The following LZTS1 variants were observed in gnomAD, a reference collection of about 807,000 sequenced individuals.
LZTS1 encodes leucine zipper tumor suppressor 1, also known as leucine zipper putative tumor suppressor 1.
Under a neutral mutation model 45.8 loss-of-function variants are expected in LZTS1, and 31 were observed. The observed-to-expected ratio is 0.68, with a 90% CI of 0.51 to 0.91. The LOEUF is 0.91. Among genes scored for constraint, LZTS1 ranks in the 40% least tolerant of loss-of-function variants. The probability of loss-of-function intolerance (pLI) is 0.00; values close to 1 mark genes in which losing one functional copy is unlikely to be tolerated. For synonymous variants in LZTS1, 359 were observed against 357.3 expected (o/e 1.00, Z -0.05); for missense variants, 821 against 788.9 (o/e 1.04, Z -0.49).
chr8:20,284,293 G>A (rs1321297727), intron 1 of LZTS1, among the ~76,000 whole-genome samples: 1 of 152,174 alleles, frequency 6.6e-6, no homozygotes, highest in African/African-American at 2.4e-5. Context: ...CCATGCCAGG[G>A]CCATTTAAAA....
In LZTS1 at chr8:20,303,928, T is replaced by G; in HGVS notation, c.-323A>C. 3.1e-6 allele frequency: 3 copies of G among 983,022 alleles called. No homozygotes were observed. The highest frequency in any genetic ancestry group is 3.6e-6 in the Non-Finnish European group (3 of 828,836). The allele number at this position is 983,022 out of a possible 1,614,324, so 60.9% of individuals were successfully genotyped here. A position where few individuals can be genotyped will look rare whatever the true frequency, so the allele number is the denominator to read the frequency against. ...ACTTTCGGCCTCCCCGCCCGGCCGC[T>G]GCCAACCCGCCAGCTCCAGGCGCGC... On this transcript the variant is annotated 5_prime_UTR_variant, in exon 1 of 4. Transcript: ENST00000381569.
chr8:20,283,173 G>A (rs1230228669), intron 1 of LZTS1, among the ~76,000 whole-genome samples: 1 of 152,178 alleles, frequency 6.6e-6, no homozygotes, highest in African/African-American at 2.4e-5. Context: ...ACTGTCTCAT[G>A]AGAAAGGGAT....
intron 1 of LZTS1, among the ~76,000 whole-genome samples, chr8:20,279,378 A>C (rs2128897021): frequency 6.6e-6 from 1 of 152,294 alleles, no homozygotes; most frequent in South Asian, 2.1e-4. Context: ...AAGAAGTTGG[A>C]AGATGTGTTA....
At chr8:20,297,476 G>A (rs1800995857) in intron 1 of LZTS1, among the ~76,000 whole-genome samples, 2 of 152,160 alleles carry the variant, frequency 1.3e-5, no homozygotes, top group Non-Finnish European at 2.9e-5. Context: ...GTGCAGTGGT[G>A]CGATCTCAGC....
At chr8:20,259,145 G>T (rs890005373) in intron 1 of LZTS1, among the ~76,000 whole-genome samples, 2 of 152,122 alleles carry the variant, frequency 1.3e-5, no homozygotes, top group Non-Finnish European at 2.9e-5. Flanking sequence ...TGTACCTGCA[G>T]GGCTGTACAG....
intron 1 of LZTS1, among the ~76,000 whole-genome samples, chr8:20,280,666 G>C (rs545134382): frequency 2.0e-5 from 3 of 152,172 alleles, no homozygotes; most frequent in Non-Finnish European, 4.4e-5. Context: ...GAGAATTGGT[G>C]GGCACAGCAG....
At position 20,255,038 on chromosome 8, in the gene LZTS1, C is replaced by T; in HGVS notation, c.144G>A (p.Gln48=). Residue 48 remains glutamine (Q), a synonymous_variant, in exon 2 of 4, where the codon CAG becomes CAA. Transcript: ENST00000381569. ...SDGLLRFGFS[Q]DSGHGKSSSK... ...AGCTGGACTTGCCGTGACCGGAGTC[C>T]TGGGAGAAGCCAAACCTCAGCAGCC... The T allele has an allele frequency of 6.2e-7, 1 of 1,614,198 alleles. No individual in the cohort carries two copies. Among genetic ancestry groups the T allele is most frequent in the Admixed American group, 1.7e-5 (1 of 60,028 alleles).
At chr8:20,274,961 C>CTGTGTG (rs34482608) in intron 1 of LZTS1, among the ~76,000 whole-genome samples, 9 of 125,628 alleles carry the variant, frequency 7.2e-5, no homozygotes, top group South Asian at 2.7e-4. Flanking sequence ...TGCCATGATA[C>CTGTGTG]TGTGTGTGTG....
At chr8:20,296,556 TC>T (rs140875349) in intron 1 of LZTS1, among the ~76,000 whole-genome samples, 2,431 of 152,272 alleles carry the variant, frequency 0.016, 84 homozygotes, top group East Asian at 0.11. Context: ...GGTGTGGATC[TC>T]CCGGGTCCTG....
At chr8:20,283,006 TG>T (rs1800723372) in intron 1 of LZTS1, among the ~76,000 whole-genome samples, 1 of 152,188 alleles carries the variant, frequency 6.6e-6, no homozygotes, top group Non-Finnish European at 1.5e-5. Flanking sequence ...TCATGCACCA[TG>T]GAGCATCCCT....
intron 1 of LZTS1, among the ~76,000 whole-genome samples, chr8:20,258,748 T>C (rs1042176403): frequency 1.3e-5 from 2 of 152,226 alleles, no homozygotes; most frequent in Non-Finnish European, 2.9e-5. Flanking sequence ...TAGGCAGTGT[T>C]ATCGGTATCT....
At position 20,303,815 on chromosome 8, in the gene LZTS1, T is replaced by C; in HGVS notation, c.-210A>G. The C allele has an allele frequency of 1.0e-6, 1 of 983,584 alleles. No homozygotes were observed. Among genetic ancestry groups the C allele is most frequent in the Non-Finnish European group, 1.2e-6 (1 of 829,482 alleles). 60.9% of individuals were successfully genotyped at this position (983,584 alleles called of 1,614,324 possible). On this transcript the variant is annotated 5_prime_UTR_variant, in exon 1 of 4. Transcript: ENST00000381569. ...TTCCCGGTGTGTTCCCGTCTCTCTTTTTCCAGAGCTGCTGAGCGGGCCGGG... is the reference window on the plus strand; with the variant it reads ...TTCCCGGTGTGTTCCCGTCTCTCTTCTTCCAGAGCTGCTGAGCGGGCCGGG...
Position 20,250,078 on chromosome 8 carries a change from G to T in LZTS1, c.1435C>A (p.Arg479=), listed in dbSNP as rs1461997371. 2 of 1,606,456 alleles carry T rather than the reference G, an allele frequency of 1.2e-6. No individual in the cohort carries two copies. The highest frequency in any genetic ancestry group is 1.7e-5 in the Admixed American group (1 of 59,934). Reference sequence around the variant, plus strand: ...TCGCGGGCCAGGGCGGCCTGGGCCCGCAGCTCCTGCAGCTCCTGCTCCAGC... The same window carrying T: ...TCGCGGGCCAGGGCGGCCTGGGCCCTCAGCTCCTGCAGCTCCTGCTCCAGC... ...NLLEQELQEL[R]AQAALARDMG... is the part of the protein sequence containing the mutation. The change falls in exon 4 of 4, where the codon CGG becomes AGG. Residue 479 remains arginine, a synonymous_variant. Transcript: ENST00000381569.
At chr8:20,285,113 C>T (rs1176083243) in intron 1 of LZTS1, among the ~76,000 whole-genome samples, 1 of 152,224 alleles carries the variant, frequency 6.6e-6, no homozygotes, top group East Asian at 1.9e-4. Context: ...TTTACAAACT[C>T]TAAAGTGCAG....
chr8:20,283,462 G>A (rs917855842), intron 1 of LZTS1, among the ~76,000 whole-genome samples: 2 of 152,152 alleles, frequency 1.3e-5, no homozygotes, highest in Non-Finnish European at 2.9e-5. Context: ...CCAGAACTGT[G>A]AGAAATACAT....
chr8:20,297,830 T>C (rs1801003256), intron 1 of LZTS1, among the ~76,000 whole-genome samples: 1 of 152,170 alleles, frequency 6.6e-6, no homozygotes, highest in South Asian at 2.1e-4. Flanking sequence ...GCCCTCATCA[T>C]GCTTGAATTA....
Position 20,252,971 on chromosome 8 carries a change from G to C in LZTS1, c.960C>G (p.Ala320=). The C allele has an allele frequency of 6.3e-7, 1 of 1,587,804 alleles. No homozygotes were observed. Among genetic ancestry groups the C allele is most frequent in the Non-Finnish European group, 8.6e-7 (1 of 1,167,298 alleles). Reference sequence around the variant, plus strand: ...GCTGCGCGCGCTGGCTCTTCTGCGAGGCCTGCTTGAGCTTGTTGCCGCCTT... The same window carrying C: ...GCTGCGCGCGCTGGCTCTTCTGCGACGCCTGCTTGAGCTTGTTGCCGCCTT... ...EPKGGNKLKQ[A]SQKSQRAQQV... Residue 320 remains alanine, a synonymous_variant, in exon 3 of 4, where the codon GCC becomes GCG. Transcript: ENST00000381569.
At chr8:20,285,326 C>T (rs1800774677) in intron 1 of LZTS1, among the ~76,000 whole-genome samples, 1 of 152,180 alleles carries the variant, frequency 6.6e-6, no homozygotes, top group Non-Finnish European at 1.5e-5. Context: ...TGCCTCAGTT[C>T]TTCCATGTGT....
intron 1 of LZTS1, among the ~76,000 whole-genome samples, chr8:20,302,275 C>T (rs1258674455): frequency 6.6e-6 from 1 of 152,132 alleles, no homozygotes; most frequent in East Asian, 1.9e-4. Context: ...AGGTGTAACG[C>T]CACGCCTGAT....
Sources: allele counts gnomAD v4.1 joint callset (sites outside exome capture counted in the v4.1 genomes callset), GRCh38; gene constraint gnomAD v4.1.1; transcripts MANE v1.5; gene names NCBI Gene and HGNC (gene_info 2026-07-23, HGNC 2026-07-21).